Variants in RANBP10 observed in about 807,000 individuals in gnomAD.
The protein encoded by RANBP10 is RAN binding protein 10.
RANBP10 carries 24 observed loss-of-function variants against 72.8 expected under a neutral mutation model. That is an observed-to-expected ratio of 0.33 (90% confidence interval 0.24 to 0.46). RANBP10 has a LOEUF of 0.46. RANBP10 is among the 20% of genes least tolerant of loss of function. The probability of loss-of-function intolerance (pLI) is 1.00; values close to 1 mark genes in which losing one functional copy is unlikely to be tolerated. For missense variants in RANBP10, 679 were observed against 817.5 expected, an observed-to-expected ratio of 0.83 and a Z score of 2.07; for synonymous variants, 310 against 322.3, an observed-to-expected ratio of 0.96 and a Z score of 0.41.
At chr16:67,758,856 T>A (rs2054341220) in intron 3 of RANBP10, among the ~76,000 whole-genome samples, 1 of 152,220 alleles carries the variant, frequency 6.6e-6, no homozygotes, top group Admixed American at 6.5e-5. Context: ...TTTTTAGGTC[T>A]GGCTGAGCTG....
chr16:67,758,773 G>C (rs1323836304), intron 3 of RANBP10, among the ~76,000 whole-genome samples: 1 of 152,236 alleles, frequency 6.6e-6, no homozygotes, highest in Non-Finnish European at 1.5e-5. Flanking sequence ...TTCTGTGAGA[G>C]AGGCTGGGGG....
intron 6 of RANBP10, among the ~76,000 whole-genome samples, chr16:67,733,597 G>A (rs550518716): frequency 4.6e-5 from 7 of 152,266 alleles, no homozygotes; most frequent in African/African-American, 1.4e-4. Flanking sequence ...TAAAACCACA[G>A]TACACAAATT....
At position 67,729,055 on chromosome 16, in the gene RANBP10, T is replaced by C. The variant is rs929592084; in HGVS notation, c.1352+225A>G. ...AGACCACATCCTCAGCCTGGCATCA[T>C]TGGAGCCTCTGGAGAAAGCCAAGGC... is the stretch of plus-strand genomic sequence containing the variant. On this transcript the variant is annotated intron_variant, in intron 10 of 13. Coordinates refer to ENST00000317506, the MANE Select transcript of RANBP10 (RefSeq NM_020850.3). The surrounding 1 kb of genome is among the most constrained non-coding windows in gnomAD (Gnocchi z 7.1). Among the ~76,000 whole-genome samples the C allele has an allele frequency of 5.9e-5, 9 of 152,214 alleles. No homozygotes were observed. Among genetic ancestry groups the C allele is most frequent in the African/African-American group, 1.2e-4 (5 of 41,468 alleles).
At chr16:67,733,683 A>G (rs2053780433) in intron 6 of RANBP10, among the ~76,000 whole-genome samples, 2 of 152,150 alleles carry the variant, frequency 1.3e-5, no homozygotes, top group Non-Finnish European at 2.9e-5. Context: ...AAAAACACCT[A>G]TGTGCTATGC....
intron 2 of RANBP10, 89 bp from the exon 3 acceptor site, chr16:67,772,175 A>G: frequency 7.3e-7 from 1 of 1,361,872 alleles, no homozygotes; most frequent in Non-Finnish European, 1.0e-6. Flanking sequence ...GGTAAAAGAC[A>G]GAAAAATGAG....
intron 2 of RANBP10, among the ~76,000 whole-genome samples, chr16:67,787,491 TA>T (rs2054937572): frequency 1.3e-5 from 2 of 152,068 alleles, no homozygotes; most frequent in Admixed American, 6.6e-5. Context: ...AAAAGTTAAA[TA>T]AAAATTATCA....
chr16:67,784,258 C>T (rs1053836548), intron 2 of RANBP10, among the ~76,000 whole-genome samples: 1 of 152,172 alleles, frequency 6.6e-6, no homozygotes, highest in African/African-American at 2.4e-5. Context: ...AGGTGGCTCA[C>T]GCTTGTTAAT....
intron 2 of RANBP10, among the ~76,000 whole-genome samples, chr16:67,795,160 G>C (rs1205883890): frequency 6.6e-6 from 1 of 151,854 alleles, no homozygotes; most frequent in Non-Finnish European, 1.5e-5. Context: ...TGAGGTGGGA[G>C]AATCTCTTGA....
intron 2 of RANBP10, among the ~76,000 whole-genome samples, chr16:67,778,803 T>C (rs2143014538): frequency 6.6e-6 from 1 of 152,210 alleles, no homozygotes. Flanking sequence ...AAATCAAAAC[T>C]ACAGTGAGGG....
chr16:67,801,767 C>T (rs183238415), intron 2 of RANBP10, among the ~76,000 whole-genome samples: 1 of 151,822 alleles, frequency 6.6e-6, no homozygotes, highest in African/African-American at 2.4e-5. Context: ...CCAGCCTAGA[C>T]AACACAGCAA....
chr16:67,795,105 C>T (rs1033320166), intron 2 of RANBP10, among the ~76,000 whole-genome samples: 1 of 151,808 alleles, frequency 6.6e-6, no homozygotes, highest in Admixed American at 6.6e-5. Flanking sequence ...AAAAAATTAG[C>T]TGAGCATGAT....
At chr16:67,741,905 G>C (rs1249799914) in intron 4 of RANBP10, among the ~76,000 whole-genome samples, 1 of 152,164 alleles carries the variant, frequency 6.6e-6, no homozygotes, top group Non-Finnish European at 1.5e-5. Context: ...AGGAAACAGA[G>C]ACAGTAGAAG....
Position 67,730,068 on chromosome 16 carries a change from C to T in RANBP10, c.890-22G>A, listed in dbSNP as rs2143001378. The T allele has an allele frequency of 6.2e-7, 1 of 1,605,450 alleles. No homozygotes were observed. The highest frequency in any genetic ancestry group is 1.1e-5 in the South Asian group (1 of 90,988). On this transcript the variant is annotated intron_variant, in intron 7 of 13. Coordinates refer to ENST00000317506, the MANE Select transcript of RANBP10 (RefSeq NM_020850.3). The surrounding 1 kb of genome is among the most constrained non-coding windows in gnomAD (Gnocchi z 4.3). ...ATCTCTGCAGGGTGCAAGAACACAG[C>T]AGTGAGCGAGGGCTACAGGCCTCTC... is the stretch of plus-strand genomic sequence containing the variant.
chr16:67,794,224 G>A (rs1327667812), intron 2 of RANBP10, among the ~76,000 whole-genome samples: 50 of 152,078 alleles, frequency 3.3e-4, no homozygotes, highest in Non-Finnish European at 5.9e-5. Context: ...GATCACCTGA[G>A]ATCAGCAGTT....
At chr16:67,779,690 T>G (rs1240260232) in intron 2 of RANBP10, among the ~76,000 whole-genome samples, 1 of 152,144 alleles carries the variant, frequency 6.6e-6, no homozygotes, top group African/African-American at 2.4e-5. Flanking sequence ...ATAAATTTCT[T>G]TTCATAGAGG....
intron 3 of RANBP10, among the ~76,000 whole-genome samples, chr16:67,771,260 T>C (rs2054601996): frequency 6.6e-6 from 1 of 152,054 alleles, no homozygotes; most frequent in Admixed American, 6.6e-5. Context: ...GTCTCAAATA[T>C]ATATATAAAT....
At chr16:67,731,030 C>T (rs2053719818) in intron 7 of RANBP10, 1 of 181,564 alleles carries the variant, frequency 5.5e-6, no homozygotes, top group Non-Finnish European at 1.2e-5. Flanking sequence ...AGTGCCCCCA[C>T]AGCAGCCATT....
intron 2 of RANBP10, among the ~76,000 whole-genome samples, chr16:67,779,334 T>C (rs1597898126): frequency 6.7e-6 from 1 of 150,288 alleles, no homozygotes; most frequent in South Asian, 2.1e-4. Context: ...TGGGTGGAGG[T>C]TGCAGTGAGC....
chr16:67,775,095 T>G (rs1184476089), intron 2 of RANBP10, among the ~76,000 whole-genome samples: 2 of 152,078 alleles, frequency 1.3e-5, no homozygotes, highest in Admixed American at 6.6e-5. Flanking sequence ...GTGGATCACT[T>G]GAGGTCAGGA....
Sources: allele counts gnomAD v4.1 joint callset (sites outside exome capture counted in the v4.1 genomes callset), GRCh38; gene constraint gnomAD v4.1.1; non-coding constraint Gnocchi (gnomAD v3.1); transcripts MANE v1.5; gene names NCBI Gene and HGNC (gene_info 2026-07-23, HGNC 2026-07-21).